EPHA5: variants seen among roughly 807,000 people sequenced by gnomAD.
The protein encoded by EPHA5 is ephrin type-A receptor 5.
In EPHA5, 60 loss-of-function variants were observed where a neutral mutation model predicts 105.0. The observed-to-expected ratio is 0.57, with a 90% confidence interval of 0.46 to 0.71. The LOEUF (loss-of-function observed/expected upper bound fraction) is 0.71. Ranked by LOEUF, EPHA5 falls within the 30% of genes least tolerant of loss-of-function variation. The pLI is 0.00. For missense variants in EPHA5, 1,218 were observed against 1,274.7 expected, an observed-to-expected ratio of 0.96 and a Z score of 0.68; for synonymous variants, 513 against 449.1, an observed-to-expected ratio of 1.14 and a Z score of -1.80.
chr4:65,633,926 A>G (rs918096689), intron 2 of EPHA5, among the ~76,000 whole-genome samples: 1 of 152,132 alleles, frequency 6.6e-6, no homozygotes, highest in Non-Finnish European at 1.5e-5. Flanking sequence ...CAAAGTGATA[A>G]GTGTGGATAA....
chr4:65,358,438 C>T (rs1413120864), intron 11 of EPHA5, among the ~76,000 whole-genome samples: 1 of 151,548 alleles, frequency 6.6e-6, no homozygotes, highest in Non-Finnish European at 1.5e-5. Flanking sequence ...ATCTTATTTG[C>T]ATTGTTTTCT....
chr4:65,377,154 G>T (rs1474984885), intron 8 of EPHA5: 3 of 1,236,272 alleles, frequency 2.4e-6, no homozygotes, highest in African/African-American at 1.5e-5. Flanking sequence ...TCAGGTGTCT[G>T]CTTTCCTTTT....
At chr4:65,409,539 A>G (rs891518259) in intron 7 of EPHA5, among the ~76,000 whole-genome samples, 1 of 152,118 alleles carries the variant, frequency 6.6e-6, no homozygotes, top group African/African-American at 2.4e-5. Context: ...TTGTAGACCC[A>G]TATTATGTGG....
chr4:65,451,574 A>G (rs1189607841), intron 5 of EPHA5, among the ~76,000 whole-genome samples: 1 of 152,168 alleles, frequency 6.6e-6, no homozygotes, highest in Admixed American at 6.6e-5. Context: ...ATGTGAGTCA[A>G]ATATGTCCTT....
chr4:65,483,184 A>T (rs1180555396), intron 5 of EPHA5, among the ~76,000 whole-genome samples: 5 of 152,206 alleles, frequency 3.3e-5, no homozygotes, highest in Non-Finnish European at 7.3e-5. Flanking sequence ...TACAAAGGAC[A>T]TGAACTCATC....
intron 3 of EPHA5, among the ~76,000 whole-genome samples, chr4:65,546,480 C>A (rs1192071355): frequency 1.3e-5 from 2 of 151,892 alleles, no homozygotes; most frequent in East Asian, 3.9e-4. Flanking sequence ...TGGACTTCTG[C>A]CTATTAACAA....
In EPHA5 at chr4:65,348,791, GTGTATA is replaced by G. The variant is rs1217434011; in HGVS notation, c.2446-594_2446-589del. 5.1e-3 allele frequency among the ~76,000 whole-genome samples: 101 copies of G among 19,888 alleles called. 3 individuals carry two copies. Among genetic ancestry groups the G allele is most frequent in the South Asian group, 0.013 (5 of 382 alleles). 13.0% of individuals were successfully genotyped at this position (19,888 alleles called of 152,430 possible). ...TATATGTGTGTGCATGTGTGTGTGT[GTGTATA>G]TATATATATATATATATATTTTTTT... On this transcript the variant is annotated intron_variant, in intron 13 of 16. Transcript: ENST00000613740.
At chr4:65,631,707 T>C (rs571032322) in intron 2 of EPHA5, among the ~76,000 whole-genome samples, 5 of 141,232 alleles carry the variant, frequency 3.5e-5, no homozygotes, top group African/African-American at 7.4e-5. Context: ...CCAACTGCAG[T>C]TGGACATGTA....
At chr4:65,343,937 TGAAAGAGTATCAA>T (rs1721977021) in intron 14 of EPHA5, among the ~76,000 whole-genome samples, 1 of 152,044 alleles carries the variant, frequency 6.6e-6, no homozygotes, top group Non-Finnish European at 1.5e-5. Flanking sequence ...TACAGTTATC[TGAAAGAGTATCAA>T]GACACTCAAA....
intron 4 of EPHA5, among the ~76,000 whole-genome samples, chr4:65,493,133 A>G (rs1360895301): frequency 6.6e-6 from 1 of 152,112 alleles, no homozygotes; most frequent in East Asian, 1.9e-4. Flanking sequence ...GCAGCTTTAA[A>G]GTCAAAAGGA....
At chr4:65,498,718 A>C (rs575363519) in intron 3 of EPHA5, among the ~76,000 whole-genome samples, 1 of 151,964 alleles carries the variant, frequency 6.6e-6, no homozygotes, top group African/African-American at 2.4e-5. Flanking sequence ...CCATTTTCTC[A>C]GAGAACAGGA....
Position 65,601,561 on chromosome 4 carries a change from C to A in EPHA5, c.910+80G>T. 5 of 1,324,036 alleles carry A rather than the reference C, an allele frequency of 3.8e-6. No individual in the cohort carries two copies. The South Asian group carries it at 4.4e-5, about 12-fold the overall frequency. The allele number at this position is 1,324,036 out of a possible 1,614,324, so 82.0% of individuals were successfully genotyped here. A position where few individuals can be genotyped will look rare whatever the true frequency, so the allele number is the denominator to read the frequency against. ...AATTAGCAAAGTAAAAGGTCATTTC[C>A]TCATAATCATTGGAGGAAATACATA... is the stretch of plus-strand genomic sequence containing the variant. On this transcript the variant is annotated intron_variant, in intron 3 of 16. Coordinates refer to ENST00000613740, the MANE Select transcript of EPHA5 (RefSeq NM_001281766.3).
Position 65,608,460 on chromosome 4 carries a change from C to T in EPHA5, c.247-6156G>A, listed in dbSNP as rs529285129. On this transcript the variant is annotated intron_variant, in intron 2 of 16. Transcript: ENST00000613740. ...CGGAGCCTGCAGTGAGCCGAGATTG[C>T]GCCACTGCACCCCAGCTTGGGCGAC... 1.6e-3 allele frequency among the ~76,000 whole-genome samples: 235 copies of T among 151,378 alleles called. 1 individual carries two copies. Among genetic ancestry groups the T allele is most frequent in the African/African-American group, 5.4e-3 (223 of 41,180 alleles).
At chr4:65,611,005 A>G (rs1002778536) in intron 2 of EPHA5, among the ~76,000 whole-genome samples, 13 of 152,170 alleles carry the variant, frequency 8.5e-5, no homozygotes, top group African/African-American at 3.1e-4. Flanking sequence ...TACTATTATG[A>G]AGGTTTACAT....
chr4:65,487,550 T>C (rs557748748), intron 5 of EPHA5, among the ~76,000 whole-genome samples: 2 of 152,258 alleles, frequency 1.3e-5, no homozygotes, highest in South Asian at 2.1e-4. Context: ...GTTCAAGATA[T>C]TTTTCAGACA....
chr4:65,348,155 G>C lies in EPHA5; in HGVS notation c.2494C>G (p.Arg832Gly), dbSNP rs1383933498. ...RWTAPEAIAF[R>G]KFTSASDVWS... ...ACATCACTGGCAGAAGTAAACTTTC[G>C]GAAAGCTATTGCTTCTGGGGCAGTC... The change falls in exon 14 of 17, where the codon CGA (arginine) becomes GGA (glycine). Residue 832 changes from arginine (R) to glycine (G), a missense_variant. Coordinates refer to ENST00000613740, the MANE Select transcript of EPHA5 (RefSeq NM_001281766.3). 1 of 1,613,526 alleles carries C rather than the reference G, an allele frequency of 6.2e-7. No individual in the cohort carries two copies. Among genetic ancestry groups the C allele is most frequent in the Non-Finnish European group, 8.5e-7 (1 of 1,179,774 alleles).
At chr4:65,386,806 T>A (rs1377289769) in intron 8 of EPHA5, among the ~76,000 whole-genome samples, 1 of 151,990 alleles carries the variant, frequency 6.6e-6, no homozygotes, top group African/African-American at 2.4e-5. Context: ...CTTCTGGTGG[T>A]ATGATTAACT....
chr4:65,657,105 T>C (rs1171482191), intron 1 of EPHA5, among the ~76,000 whole-genome samples: 1 of 152,062 alleles, frequency 6.6e-6, no homozygotes, highest in Non-Finnish European at 1.5e-5. Context: ...ATAACAACAA[T>C]GTTTCTGCTG....
chr4:65,476,967 A>G (rs1355252995), intron 5 of EPHA5, among the ~76,000 whole-genome samples: 1 of 152,208 alleles, frequency 6.6e-6, no homozygotes, highest in African/African-American at 2.4e-5. Context: ...AAAACATATT[A>G]TTTACCATCA....
Sources: allele counts gnomAD v4.1 joint callset (sites outside exome capture counted in the v4.1 genomes callset), GRCh38; gene constraint gnomAD v4.1.1; transcripts MANE v1.5; gene names NCBI Gene and HGNC (gene_info 2026-07-23, HGNC 2026-07-21).